SLC24A2: variants seen among roughly 807,000 people sequenced by gnomAD.
SLC24A2 encodes the protein solute carrier family 24 member 2, also known as sodium/potassium/calcium exchanger 2.
In SLC24A2, 36 loss-of-function variants were observed where a neutral mutation model predicts 62.0. That is an observed-to-expected ratio of 0.58 (90% CI 0.44 to 0.77). The LOEUF (loss-of-function observed/expected upper bound fraction) is 0.77. Ranked by LOEUF, SLC24A2 falls within the 30% of genes least tolerant of loss-of-function variation. SLC24A2 has a pLI of 0.00. For synonymous variants in SLC24A2, 358 were observed against 294.0 expected, an observed-to-expected ratio of 1.22 and a Z score of -2.23; for missense variants, 846 against 817.9, an observed-to-expected ratio of 1.03 and a Z score of -0.42.
chr9:19,837,507 C>T, the SLC24A2 span, among the ~76,000 whole-genome samples: 3 of 109,950 alleles, frequency 2.7e-5, no homozygotes, highest in South Asian at 3.2e-4. Context: ...AAAACTGGCA[C>T]AAGACAGGGA....
At chr9:20,277,711 A>G in the SLC24A2 span, among the ~76,000 whole-genome samples, 1 of 152,194 alleles carries the variant, frequency 6.6e-6, no homozygotes, top group East Asian at 1.9e-4. Flanking sequence ...TAGAAATACC[A>G]TTTGACCCAG....
chr9:19,788,919 C>A lies in SLC24A2; in HGVS notation c.-188G>T, dbSNP rs1055022707. ...ATGGGAGGACGCGCACACGGCGGGGCCCCCGAGCGCGGCCCGCCGCTCCAG... is the reference window on the plus strand; with the variant it reads ...ATGGGAGGACGCGCACACGGCGGGGACCCCGAGCGCGGCCCGCCGCTCCAG... On this transcript the variant is annotated 5_prime_UTR_variant, in exon 1 of 11. Coordinates refer to ENST00000341998, the MANE Select transcript of SLC24A2 (RefSeq NM_020344.4). 1.0e-6 allele frequency: 1 copy of A among 984,990 alleles called. No individual in the cohort carries two copies. Among genetic ancestry groups the A allele is most frequent in the Non-Finnish European group, 1.2e-6 (1 of 829,654 alleles). The allele number at this position is 984,990 out of a possible 1,614,324, so 61.0% of individuals were successfully genotyped here.
chr9:19,866,044 G>A, the SLC24A2 span, among the ~76,000 whole-genome samples: 771 of 152,292 alleles, frequency 5.1e-3, 6 homozygotes, highest in Non-Finnish European at 7.5e-3. Context: ...CAAAAGATTA[G>A]AATGGACCTT....
Position 19,782,972 on chromosome 9 carries a change from G to A in SLC24A2, c.930+2965C>T, listed in dbSNP as rs1823058343. 1.3e-5 allele frequency among the ~76,000 whole-genome samples: 2 copies of A among 152,030 alleles called. 1 individual carries two copies. The highest frequency in any genetic ancestry group is 1.3e-4 in the Admixed American group (2 of 15,252). On this transcript the variant is annotated intron_variant, in intron 2 of 10. Transcript: ENST00000341998. ...ATGATGGTATATAACTTTTTAAAAA[G>A]GGTAGTAGCATCACTAAAAGAAATA...
At chr9:19,645,644 C>A (rs1335307014) in intron 2 of SLC24A2, among the ~76,000 whole-genome samples, 1 of 152,054 alleles carries the variant, frequency 6.6e-6, no homozygotes, top group Non-Finnish European at 1.5e-5. Flanking sequence ...AAGTACAGAG[C>A]GGCATGGGGG....
At chr9:19,881,885 T>C in the SLC24A2 span, among the ~76,000 whole-genome samples, 1 of 152,220 alleles carries the variant, frequency 6.6e-6, no homozygotes, top group Admixed American at 6.5e-5. Context: ...ATTTGTCCCA[T>C]CCCCTGCTTT....
the SLC24A2 span, among the ~76,000 whole-genome samples, chr9:20,134,322 T>C: frequency 6.6e-6 from 1 of 152,174 alleles, no homozygotes; most frequent in Non-Finnish European, 1.5e-5. Context: ...GTTGTTGTCA[T>C]TTGTTTTAAA....
At chr9:19,876,357 A>T in the SLC24A2 span, among the ~76,000 whole-genome samples, 1 of 140,988 alleles carries the variant, frequency 7.1e-6, no homozygotes, top group Non-Finnish European at 1.5e-5. Flanking sequence ...ATGTATGTTT[A>T]TTGAAGGCGT....
At chr9:20,244,377 G>A in the SLC24A2 span, among the ~76,000 whole-genome samples, 1 of 152,124 alleles carries the variant, frequency 6.6e-6, no homozygotes, top group Non-Finnish European at 1.5e-5. Flanking sequence ...CAGAAAGACA[G>A]CCTTTAAGCC....
At chr9:20,225,509 C>T in the SLC24A2 span, among the ~76,000 whole-genome samples, 5 of 110,584 alleles carry the variant, frequency 4.5e-5, no homozygotes, top group South Asian at 3.6e-4. Context: ...TATTAAAGCT[C>T]GGAAGTGAGT....
chr9:19,635,780 C>A (rs1429622125), intron 2 of SLC24A2, among the ~76,000 whole-genome samples: 1 of 152,180 alleles, frequency 6.6e-6, no homozygotes, highest in Non-Finnish European at 1.5e-5. Flanking sequence ...ATTAATAATT[C>A]TTTATGAGTA....
chr9:20,003,883 T>C, the SLC24A2 span, among the ~76,000 whole-genome samples: 1 of 148,848 alleles, frequency 6.7e-6, no homozygotes, highest in Non-Finnish European at 1.5e-5. Context: ...GAATGTGGGA[T>C]GTTTAACGAA....
At chr9:19,989,197 G>C in the SLC24A2 span, among the ~76,000 whole-genome samples, 1 of 152,044 alleles carries the variant, frequency 6.6e-6, no homozygotes, top group Non-Finnish European at 1.5e-5. Flanking sequence ...CTTTATATAA[G>C]GAGAGAATAT....
chr9:20,074,317 CTG>C, the SLC24A2 span, among the ~76,000 whole-genome samples: 2 of 151,922 alleles, frequency 1.3e-5, no homozygotes, highest in Admixed American at 1.3e-4. Flanking sequence ...CACTAATACT[CTG>C]TTCTCATTGC....
chr9:20,044,460 G>C, the SLC24A2 span, among the ~76,000 whole-genome samples: 8 of 152,268 alleles, frequency 5.3e-5, no homozygotes, highest in Non-Finnish European at 8.8e-5. Flanking sequence ...AGGATGTTTA[G>C]TTTCACTTAA....
chr9:20,060,775 A>T, the SLC24A2 span, among the ~76,000 whole-genome samples: 84 of 152,328 alleles, frequency 5.5e-4, 1 homozygote, highest in African/African-American at 1.9e-3. Context: ...TTTGCAGGTG[A>T]TATGTAGAAA....
chr9:20,009,498 G>T, the SLC24A2 span, among the ~76,000 whole-genome samples: 33 of 151,934 alleles, frequency 2.2e-4, no homozygotes, highest in African/African-American at 7.5e-4. Context: ...TGCCACATCA[G>T]AGAAACTACC....
At chr9:20,263,862 C>CTCCA in the SLC24A2 span, among the ~76,000 whole-genome samples, 2 of 27,324 alleles carry the variant, frequency 7.3e-5, no homozygotes, top group Non-Finnish European at 6.3e-5. Context: ...ATCCCACCCG[C>CTCCA]CCCCCCCCCC....
chr9:20,020,940 C>G, the SLC24A2 span, among the ~76,000 whole-genome samples: 15 of 152,236 alleles, frequency 9.9e-5, no homozygotes, highest in Middle Eastern at 3.4e-3. Context: ...CTCTTTTCTA[C>G]TGGTCTTTAT....
Sources: gnomAD v4.1 joint callset for allele counts (sites outside exome capture counted in the v4.1 genomes callset) on GRCh38, gnomAD v4.1.1 for gene constraint, MANE v1.5 for transcripts, NCBI Gene and HGNC (gene_info 2026-07-23, HGNC 2026-07-21) for gene names.